ATRN: variants seen among roughly 807,000 people sequenced by gnomAD.
The protein encoded by ATRN is attractin-2.
A neutral mutation model predicts 178.7 loss-of-function variants in ATRN; 54 were observed. The ratio of observed to expected loss-of-function variants is 0.30; its 90% CI spans 0.24 to 0.38. The LOEUF (loss-of-function observed/expected upper bound fraction) is 0.38. Ranked by LOEUF, ATRN falls within the 10% of genes least tolerant of loss-of-function variation. The pLI is 1.00. For synonymous variants in ATRN, 636 were observed against 663.0 expected (o/e 0.96, Z 0.63); for missense variants, 1,443 against 1,815.1 (o/e 0.79, Z 3.73).
chr20:3,536,560 A>G (rs1410356778), intron 2 of ATRN, among the ~76,000 whole-genome samples: 4 of 150,320 alleles, frequency 2.7e-5, no homozygotes, highest in African/African-American at 9.9e-5. Context: ...TAGAACTTAC[A>G]ACCAAGAAAT....
intron 1 of ATRN, chr20:3,490,254 C>A: frequency 7.0e-7 from 1 of 1,421,194 alleles, no homozygotes; most frequent in South Asian, 1.2e-5. Context: ...CCCAGAGAGG[C>A]CAACTCCTCC....
At chr20:3,572,682 T>G in intron 11 of ATRN, 49 bp from the exon 12 acceptor site, 1 of 1,516,404 alleles carries the variant, frequency 6.6e-7, no homozygotes, top group Non-Finnish European at 9.1e-7. Flanking sequence ...TAGCATCCAA[T>G]TGTTATCTGA....
chr20:3,539,022 G>T (rs758700335), intron 2 of ATRN, among the ~76,000 whole-genome samples: 1 of 152,070 alleles, frequency 6.6e-6, no homozygotes, highest in African/African-American at 2.4e-5. Flanking sequence ...ATCTCCCTAC[G>T]ACTTTTTGCA....
At chr20:3,549,127 T>G in intron 5 of ATRN, 43 bp from the exon 6 acceptor site, 1 of 1,509,760 alleles carries the variant, frequency 6.6e-7, no homozygotes, top group Non-Finnish European at 8.9e-7. Flanking sequence ...CAGTAAGCTT[T>G]AAAGCTGTCT....
Position 3,539,067 on chromosome 20 carries a change from A to T in ATRN, c.495-1155A>T, listed in dbSNP as rs373733563. 1.1e-4 allele frequency among the ~76,000 whole-genome samples: 16 copies of T among 152,226 alleles called. No individual in the cohort carries two copies. In the East Asian group the frequency reaches 2.7e-3, roughly 26 times the overall value. ...CACCTTCTTTTAATTTCTTCACAGT[A>T]CTCATCACCATCTGAGTTTACTTGT... On this transcript the variant is annotated intron_variant, in intron 2 of 28. Transcript: ENST00000262919.
intron 1 of ATRN, among the ~76,000 whole-genome samples, chr20:3,488,701 G>A (rs2084733608): frequency 6.6e-6 from 1 of 152,064 alleles, no homozygotes; most frequent in Non-Finnish European, 1.5e-5. Flanking sequence ...TTGGTCCATG[G>A]CATTTCCATA....
intron 1 of ATRN, among the ~76,000 whole-genome samples, chr20:3,515,362 G>T (rs1370967876): frequency 6.6e-6 from 1 of 152,194 alleles, no homozygotes; most frequent in Non-Finnish European, 1.5e-5. Flanking sequence ...ATTAGGCAGA[G>T]AAACAGGCTT....
intron 24 of ATRN, among the ~76,000 whole-genome samples, chr20:3,618,912 G>A (rs2086873865): frequency 6.6e-6 from 1 of 152,218 alleles, no homozygotes; most frequent in African/African-American, 2.4e-5. Context: ...GGAGGTGACA[G>A]CACAAGACCC....
chr20:3,594,660 G>A (rs1197094684), intron 20 of ATRN, 88 bp downstream of exon 20: 2 of 1,101,770 alleles, frequency 1.8e-6, no homozygotes, highest in Non-Finnish European at 2.6e-6. Context: ...CCACTTCCCT[G>A]TGTCTTGTTG....
At chr20:3,579,739 C>T (rs1441039834) in intron 15 of ATRN, among the ~76,000 whole-genome samples, 2 of 152,174 alleles carry the variant, frequency 1.3e-5, no homozygotes, top group Non-Finnish European at 2.9e-5. Context: ...GAACAAAGCT[C>T]TTTCAGCAGT....
chr20:3,592,455 TAGA>T (rs2086461690), intron 19 of ATRN: 76 of 978,842 alleles, frequency 7.8e-5, no homozygotes, highest in Non-Finnish European at 9.1e-5. Context: ...TTATGTCAAA[TAGA>T]AGCCTGCAAG....
In ATRN at chr20:3,525,307, G is replaced by T. The variant is rs151189617; in HGVS notation, c.411-9946G>T. Among the ~76,000 whole-genome samples, 890 of 152,190 alleles carry T rather than the reference G, an allele frequency of 5.8e-3. 4 individuals are homozygous for T. Among genetic ancestry groups the T allele is most frequent in the Non-Finnish European group, 9.7e-3 (657 of 68,008 alleles). On this transcript the variant is annotated intron_variant, in intron 1 of 28. Coordinates refer to ENST00000262919, the MANE Select transcript of ATRN (RefSeq NM_139321.3). ...TAAACTAGAAAATCTAGAAGAAATGGATACATTCCTGAACACATACACCCT... is the reference window on the plus strand; with the variant it reads ...TAAACTAGAAAATCTAGAAGAAATGTATACATTCCTGAACACATACACCCT...
chr20:3,525,059 A>G (rs2085346229), intron 1 of ATRN, among the ~76,000 whole-genome samples: 1 of 152,230 alleles, frequency 6.6e-6, no homozygotes, highest in South Asian at 2.1e-4. Context: ...AGATCAGAGC[A>G]GAACTAAAGG....
intron 6 of ATRN, among the ~76,000 whole-genome samples, chr20:3,550,472 T>C (rs1004311107): frequency 1.3e-5 from 2 of 152,196 alleles, no homozygotes; most frequent in Non-Finnish European, 2.9e-5. Context: ...TCTATTCCCA[T>C]TGCTGCTGCC....
intron 1 of ATRN, among the ~76,000 whole-genome samples, chr20:3,518,594 C>T (rs1055202167): frequency 5.9e-5 from 9 of 152,134 alleles, no homozygotes; most frequent in Non-Finnish European, 1.0e-4. Context: ...AAGAGTAAGT[C>T]TTACGGAATG....
intron 1 of ATRN, among the ~76,000 whole-genome samples, chr20:3,473,331 G>T (rs979722379): frequency 2.6e-5 from 4 of 152,162 alleles, no homozygotes; most frequent in African/African-American, 7.2e-5. Flanking sequence ...AAGTCTGAGG[G>T]GTGAGATGGT....
chr20:3,492,852 G>A (rs575970949), intron 1 of ATRN, among the ~76,000 whole-genome samples: 10 of 120,898 alleles, frequency 8.3e-5, no homozygotes, highest in African/African-American at 4.9e-4. Flanking sequence ...GAGAGAGAGA[G>A]AGGCGCGCGC....
At chr20:3,515,935 GA>G (rs913078575) in intron 1 of ATRN, among the ~76,000 whole-genome samples, 88 of 152,084 alleles carry the variant, frequency 5.8e-4, no homozygotes, top group African/African-American at 2.0e-3. Context: ...TTAGTCATGG[GA>G]AAAAAATATA....
Position 3,494,117 on chromosome 20 carries a change from G to T in ATRN, c.410+22600G>T, listed in dbSNP as rs138287138. ...AAAACTTGGGGCACAGGTTCCCAGA[G>T]CTCCAAGGGACATTTGAAGTGAGAT... On this transcript the variant is annotated intron_variant, in intron 1 of 28. Coordinates refer to ENST00000262919, the MANE Select transcript of ATRN (RefSeq NM_139321.3). Among the ~76,000 whole-genome samples, 514 of 152,280 alleles carry T rather than the reference G, an allele frequency of 3.4e-3. 1 individual carries two copies. The highest frequency in any genetic ancestry group is 0.012 in the African/African-American group (479 of 41,552).
Sources: allele counts gnomAD v4.1 joint callset (sites outside exome capture counted in the v4.1 genomes callset), GRCh38; gene constraint gnomAD v4.1.1; transcripts MANE v1.5; gene names NCBI Gene and HGNC (gene_info 2026-07-23, HGNC 2026-07-21).